RAD51B: variants seen among roughly 807,000 people sequenced by gnomAD.
RAD51B encodes the protein DNA repair protein RAD51 homolog 2.
A neutral mutation model predicts 42.2 loss-of-function variants in RAD51B; 38 were observed. The ratio of observed to expected loss-of-function variants is 0.90; its 90% CI spans 0.70 to 1.18. RAD51B has a LOEUF of 1.18. RAD51B is among the 50% of genes most tolerant of loss of function. The pLI is 0.00. For missense variants in RAD51B, 373 were observed against 400.7 expected (o/e 0.93, Z 0.59); for synonymous variants, 154 against 145.2 (o/e 1.06, Z -0.43).
chr14:67,830,989 C>T (rs915571540), intron 3 of RAD51B, among the ~76,000 whole-genome samples: 7 of 151,566 alleles, frequency 4.6e-5, no homozygotes, highest in Admixed American at 6.6e-5. Context: ...GATTCTCCTG[C>T]GTTAGCCTCC....
chr14:67,880,906 C>T (rs1448404482), intron 5 of RAD51B, among the ~76,000 whole-genome samples: 3 of 152,146 alleles, frequency 2.0e-5, no homozygotes, highest in East Asian at 3.8e-4. Context: ...AGTCATGCTT[C>T]GCTTAACAAT....
chr14:67,999,848 T>C (rs1248713191), intron 7 of RAD51B, among the ~76,000 whole-genome samples: 3 of 152,136 alleles, frequency 2.0e-5, no homozygotes, highest in Admixed American at 6.5e-5. Flanking sequence ...AGTAGGGTTT[T>C]GATATGTGTT....
chr14:67,937,814 G>A (rs1261440345), intron 7 of RAD51B, among the ~76,000 whole-genome samples: 1 of 152,170 alleles, frequency 6.6e-6, no homozygotes, highest in Non-Finnish European at 1.5e-5. Flanking sequence ...GTAATAGTGA[G>A]GGTATTTTAA....
intron 7 of RAD51B, among the ~76,000 whole-genome samples, chr14:68,095,742 G>C (rs781354847): frequency 6.6e-6 from 1 of 151,906 alleles, no homozygotes; most frequent in African/African-American, 2.4e-5. Context: ...TTGGGAGCCC[G>C]AGGTGGGCGG....
chr14:68,428,705 CTTTATA>C (rs2084914367), intron 9 of RAD51B, among the ~76,000 whole-genome samples: 4 of 103,406 alleles, frequency 3.9e-5, no homozygotes, highest in African/African-American at 1.7e-4. Context: ...GCAGGATTTT[CTTTATA>C]TATATATATA....
chr14:67,945,755 G>A (rs2045370714), intron 7 of RAD51B, among the ~76,000 whole-genome samples: 1 of 152,198 alleles, frequency 6.6e-6, no homozygotes, highest in African/African-American at 2.4e-5. Flanking sequence ...ACAGGCATGA[G>A]CTACCATGCC....
chr14:68,594,613 G>T, exon 11 of RAD51B: 2 of 1,287,212 alleles, frequency 1.6e-6, no homozygotes, highest in Non-Finnish European at 2.0e-6. Context: ...ATTTTTTGTA[G>T]AGGTGGGGTC....
At chr14:68,458,119 A>T (rs1341742016) in intron 9 of RAD51B, among the ~76,000 whole-genome samples, 1 of 152,204 alleles carries the variant, frequency 6.6e-6, no homozygotes, top group Non-Finnish European at 1.5e-5. Context: ...GGGTTGATAG[A>T]TAAATAGATA....
chr14:68,359,074 G>A (rs940100443), intron 8 of RAD51B, among the ~76,000 whole-genome samples: 1 of 151,992 alleles, frequency 6.6e-6, no homozygotes, highest in Non-Finnish European at 1.5e-5. Flanking sequence ...CTGCTTGGAG[G>A]TGCCATAGGC....
intron 7 of RAD51B, among the ~76,000 whole-genome samples, chr14:67,926,726 G>A (rs900066400): frequency 6.6e-6 from 1 of 151,940 alleles, no homozygotes; most frequent in Non-Finnish European, 1.5e-5. Context: ...ACCACACCCA[G>A]CTAATTTTTG....
intron 7 of RAD51B, among the ~76,000 whole-genome samples, chr14:67,989,054 T>C (rs1035660934): frequency 1.3e-5 from 2 of 152,222 alleles, no homozygotes; most frequent in Non-Finnish European, 2.9e-5. Flanking sequence ...TGGGACTCAG[T>C]GCCTTATTTT....
intron 8 of RAD51B, among the ~76,000 whole-genome samples, chr14:68,329,665 T>C (rs1440271462): frequency 6.6e-6 from 1 of 152,228 alleles, no homozygotes; most frequent in Non-Finnish European, 1.5e-5. Context: ...TGAGGATTTT[T>C]ATTTTAAATA....
intron 7 of RAD51B, among the ~76,000 whole-genome samples, chr14:68,031,633 A>G (rs747551392): frequency 8.5e-5 from 13 of 152,178 alleles, no homozygotes; most frequent in Non-Finnish European, 1.9e-4. Flanking sequence ...GTTTAAGACC[A>G]GCCTGAGCAA....
Position 68,040,107 on chromosome 14 carries a change from A to G in RAD51B, c.756+152903A>G, listed in dbSNP as rs115603447. ...ATAGCTTCACAATTCATGATAGCAT[A>G]GTTATGCAACATATATGAATAAGGA... On this transcript the variant is annotated intron_variant, in intron 7 of 10. Transcript: ENST00000471583. 8.0e-3 allele frequency among the ~76,000 whole-genome samples: 1,225 copies of G among 152,350 alleles called. 14 individuals carry two copies. Among genetic ancestry groups the G allele is most frequent in the African/African-American group, 0.028 (1,148 of 41,578 alleles).
intron 10 of RAD51B, among the ~76,000 whole-genome samples, chr14:68,585,698 C>T (rs1890429304): frequency 6.6e-6 from 1 of 152,296 alleles, no homozygotes; most frequent in Non-Finnish European, 1.5e-5. Flanking sequence ...CCCCGGGTGT[C>T]CTGCTCACTG....
rs562889063 is a variant in RAD51B at position 67,840,408 on chromosome 14, T to A, written c.315+5212T>A. On this transcript the variant is annotated intron_variant, in intron 4 of 10. Transcript: ENST00000471583. ...CTTTGGTTTTCTGTTCCTGTGTTAA[T>A]TCACTTAGGATAATGACCAAGAGCT... 8.5e-5 allele frequency among the ~76,000 whole-genome samples: 13 copies of A among 152,316 alleles called. No homozygotes were observed. The South Asian group carries it at 2.7e-3, about 32-fold the overall frequency.
intron 8 of RAD51B, among the ~76,000 whole-genome samples, chr14:68,329,954 C>T (rs1318416022): frequency 1.4e-5 from 2 of 145,640 alleles, no homozygotes; most frequent in African/African-American, 5.1e-5. Context: ...AGCACTCCAG[C>T]CTGGGCAACA....
intron 7 of RAD51B, among the ~76,000 whole-genome samples, chr14:67,894,111 A>G (rs920357738): frequency 8.5e-5 from 13 of 152,212 alleles, no homozygotes; most frequent in African/African-American, 2.9e-4. Context: ...GAGGATAACA[A>G]TATCTGACTC....
At chr14:68,478,299 G>A (rs1882882639), downstream of RAD51B, among the ~76,000 whole-genome samples, 2 of 152,150 alleles carry the variant, frequency 1.3e-5, no homozygotes. Flanking sequence ...GCATTTGAAG[G>A]TCATTAGTGG....
Sources: gnomAD v4.1 joint callset for allele counts (sites outside exome capture counted in the v4.1 genomes callset) on GRCh38, gnomAD v4.1.1 for gene constraint, MANE v1.5 for transcripts, NCBI Gene and HGNC (gene_info 2026-07-23, HGNC 2026-07-21) for gene names.